The following CNIH3 variants were observed in gnomAD, a reference collection of about 807,000 sequenced individuals.
The protein encoded by CNIH3 is cornichon family AMPA receptor auxiliary protein 3, also known as protein cornichon homolog 3.
A neutral mutation model predicts 24.1 loss-of-function variants in CNIH3; 14 were observed. That is an observed-to-expected ratio of 0.58 (90% CI 0.38 to 0.91). The LOEUF (loss-of-function observed/expected upper bound fraction) is 0.91, where lower values mean the gene tolerates loss of function less well. Among genes scored for constraint, CNIH3 ranks in the 40% least tolerant of loss-of-function variants. The pLI, the probability that CNIH3 is intolerant of heterozygous loss-of-function variation, is 0.00. For missense variants in CNIH3, 178 were observed against 196.8 expected (o/e 0.90, Z 0.57); for synonymous variants, 68 against 73.8 (o/e 0.92, Z 0.40).
chr1:224,681,150 T>C, intron 2 of CNIH3, 124 bp downstream of exon 2: 1 of 795,768 alleles, frequency 1.3e-6, no homozygotes. Context: ...ACTGTGCCTC[T>C]CTACCTGGCT....
chr1:224,725,244 CAAT>C (rs1216072421), intron 3 of CNIH3, among the ~76,000 whole-genome samples: 1 of 152,134 alleles, frequency 6.6e-6, no homozygotes, highest in African/African-American at 2.4e-5. Flanking sequence ...GATCACAACA[CAAT>C]AACAATAGTG....
At chr1:224,565,186 A>C (rs1361679051) in intron 3 of CNIH3, among the ~76,000 whole-genome samples, 2 of 152,100 alleles carry the variant, frequency 1.3e-5, no homozygotes, top group Admixed American at 1.3e-4. Flanking sequence ...AGCTGATCTG[A>C]GTGTGTGTAT....
intron 1 of CNIH3, among the ~76,000 whole-genome samples, chr1:224,646,388 A>G (rs1684607954): frequency 6.6e-6 from 1 of 152,288 alleles, no homozygotes; most frequent in South Asian, 2.1e-4. Flanking sequence ...GGCCTTTGTT[A>G]CAAGCATGTT....
At chr1:224,524,676 G>A (rs534885981) in intron 2 of CNIH3, among the ~76,000 whole-genome samples, 3 of 152,314 alleles carry the variant, frequency 2.0e-5, no homozygotes, top group Admixed American at 1.3e-4. Flanking sequence ...AGAAGGATGT[G>A]TATAGAAAAT....
chr1:224,613,283 G>T (rs761574244), upstream of CNIH3, among the ~76,000 whole-genome samples: 1 of 152,196 alleles, frequency 6.6e-6, no homozygotes, highest in Non-Finnish European at 1.5e-5. Context: ...TTACAGGCAT[G>T]AGCCACAGTG....
intron 1 of CNIH3, among the ~76,000 whole-genome samples, chr1:224,509,315 C>T (rs887138529): frequency 2.0e-5 from 3 of 151,882 alleles, no homozygotes; most frequent in African/African-American, 7.3e-5. Flanking sequence ...GAGAGTGAAA[C>T]CCTGAAGATA....
At chr1:224,709,303 C>T (rs1166441701) in intron 3 of CNIH3, among the ~76,000 whole-genome samples, 1 of 152,188 alleles carries the variant, frequency 6.6e-6, no homozygotes, top group Non-Finnish European at 1.5e-5. Flanking sequence ...GTGCTTCTAA[C>T]CATCTTGGGC....
upstream of CNIH3, chr1:224,513,828 C>A (rs2124899530): frequency 6.6e-6 from 1 of 152,356 alleles, no homozygotes; most frequent in South Asian, 2.1e-4. Context: ...GAGAGGCTCA[C>A]TTTGCAGTGG....
intron 3 of CNIH3, among the ~76,000 whole-genome samples, chr1:224,719,644 G>C (rs1451195869): frequency 6.6e-6 from 1 of 152,142 alleles, no homozygotes; most frequent in East Asian, 1.9e-4. Flanking sequence ...CTATGAATTA[G>C]ATACTATTAT....
intron 1 of CNIH3, among the ~76,000 whole-genome samples, chr1:224,460,478 G>T (rs1675864348): frequency 6.6e-6 from 1 of 152,160 alleles, no homozygotes; most frequent in Non-Finnish European, 1.5e-5. Flanking sequence ...TGGAATCATA[G>T]AGTACGTGCT....
intron 1 of CNIH3, among the ~76,000 whole-genome samples, chr1:224,635,179 A>T (rs1036603493): frequency 6.6e-6 from 1 of 152,192 alleles, no homozygotes; most frequent in African/African-American, 2.4e-5. Flanking sequence ...GTCGGGGGGA[A>T]CTGCCCTAAA....
intron 3 of CNIH3, among the ~76,000 whole-genome samples, chr1:224,610,614 G>A (rs1416379079): frequency 6.6e-6 from 1 of 152,150 alleles, no homozygotes; most frequent in Non-Finnish European, 1.5e-5. Flanking sequence ...CCAGTCTCAG[G>A]TAGTATCTTT....
chr1:224,670,885 G>A (rs1185433738), intron 1 of CNIH3, among the ~76,000 whole-genome samples: 2 of 152,226 alleles, frequency 1.3e-5, no homozygotes, highest in African/African-American at 4.8e-5. Flanking sequence ...GTGGCCAAAC[G>A]TTATTCTGGA....
intron 3 of CNIH3, among the ~76,000 whole-genome samples, chr1:224,558,101 G>C (rs74146389): frequency 0.06 from 9,141 of 152,260 alleles, 935 homozygotes; most frequent in African/African-American, 0.21. Flanking sequence ...AAGTTCTTCT[G>C]CCAGTCTTGC....
At chr1:224,678,896 C>G (rs1352913674) in intron 1 of CNIH3, among the ~76,000 whole-genome samples, 1 of 151,990 alleles carries the variant, frequency 6.6e-6, no homozygotes, top group Non-Finnish European at 1.5e-5. Flanking sequence ...AGGCTGGGGT[C>G]AGCAGATTTT....
intron 1 of CNIH3, among the ~76,000 whole-genome samples, chr1:224,648,165 T>C (rs898888819): frequency 3.9e-5 from 6 of 152,086 alleles, no homozygotes; most frequent in African/African-American, 1.4e-4. Flanking sequence ...TTTGGGATTC[T>C]TACCAAGACC....
At chr1:224,608,246 A>AT (rs1415026362) in intron 3 of CNIH3, among the ~76,000 whole-genome samples, 2 of 152,178 alleles carry the variant, frequency 1.3e-5, no homozygotes, top group African/African-American at 4.8e-5. Context: ...TTGACTTGGG[A>AT]TTTTATATGA....
At chr1:224,720,224 C>T (rs1347675227) in intron 3 of CNIH3, among the ~76,000 whole-genome samples, 2 of 150,676 alleles carry the variant, frequency 1.3e-5, no homozygotes, top group African/African-American at 4.9e-5. Context: ...ATTAACACCA[C>T]TTAATAAGTG....
At chr1:224,730,258 G>A (rs868389963) in intron 3 of CNIH3, 1 of 540,854 alleles carries the variant, frequency 1.8e-6, no homozygotes. Context: ...TTGGGTTTGG[G>A]TATAATAAAA....
Sources: allele counts gnomAD v4.1 joint callset (sites outside exome capture counted in the v4.1 genomes callset), GRCh38; gene constraint gnomAD v4.1.1; transcripts MANE v1.5; gene names NCBI Gene and HGNC (gene_info 2026-07-23, HGNC 2026-07-21).